ARL6IP6: variants seen among roughly 807,000 people sequenced by gnomAD.
ARL6IP6 encodes the protein ARF like GTPase 6 interacting protein 6, also known as ADP-ribosylation factor-like protein 6-interacting protein 6.
Under a neutral mutation model 21.5 loss-of-function variants are expected in ARL6IP6, and 22 were observed. The observed-to-expected ratio is 1.02, with a 90% CI of 0.73 to 1.46. The LOEUF (loss-of-function observed/expected upper bound fraction) is 1.46. Ranked by LOEUF, ARL6IP6 falls within the 40% of genes most tolerant of loss-of-function variation. ARL6IP6 has a pLI of 0.00. For missense variants in ARL6IP6, 388 were observed against 299.8 expected (o/e 1.29, Z -2.17); for synonymous variants, 164 against 125.3 (o/e 1.31, Z -2.06).
chr2:152,747,898 C>T (rs923784961), intron 3 of ARL6IP6, among the ~76,000 whole-genome samples: 2 of 151,952 alleles, frequency 1.3e-5, no homozygotes, highest in Non-Finnish European at 2.9e-5. Context: ...AACAATGTCT[C>T]CCTATATGCT....
intron 3 of ARL6IP6, among the ~76,000 whole-genome samples, chr2:152,754,699 G>C (rs752924792): frequency 7.2e-5 from 11 of 152,038 alleles, no homozygotes; most frequent in Admixed American, 4.6e-4. Context: ...CAGGACTTCT[G>C]ATTTCCCCAC....
chr2:152,742,570 T>TAAA (rs71396304), intron 3 of ARL6IP6, among the ~76,000 whole-genome samples: 22 of 115,978 alleles, frequency 1.9e-4, no homozygotes, highest in Non-Finnish European at 2.5e-4. Context: ...ATACGCTCTT[T>TAAA]AAAAAAAAAA....
chr2:152,729,334 C>CTG (rs10604718), intron 2 of ARL6IP6, among the ~76,000 whole-genome samples: 60 of 151,060 alleles, frequency 4.0e-4, no homozygotes, highest in Middle Eastern at 3.4e-3. Flanking sequence ...CAGACTTTGT[C>CTG]TGTGTGTGTG....
chr2:152,759,814 C>T lies in ARL6IP6; in HGVS notation c.655C>T (p.Leu219Phe). 6.2e-7 allele frequency: 1 copy of T among 1,613,366 alleles called. No individual in the cohort carries two copies. The highest frequency in any genetic ancestry group is 8.5e-7 in the Non-Finnish European group (1 of 1,179,426). Reference sequence around the variant, plus strand: ...GATTTTGAATGGCATCGTAGCTGCTCTTACTGTAGCATGGTGCCTCATGTA... The same window carrying T: ...GATTTTGAATGGCATCGTAGCTGCTTTTACTGTAGCATGGTGCCTCATGTA... ...MAILNGIVAA[L>F]TVAWCLM Residue 219 changes from leucine to phenylalanine, a missense_variant, in exon 4 of 4, where the codon CTT becomes TTT. Coordinates refer to ENST00000326446, the MANE Select transcript of ARL6IP6 (RefSeq NM_152522.7).
At chr2:152,759,214 A>C (rs1701721083) in intron 3 of ARL6IP6, among the ~76,000 whole-genome samples, 1 of 152,212 alleles carries the variant, frequency 6.6e-6, no homozygotes, top group Non-Finnish European at 1.5e-5. Flanking sequence ...TTAAGAACTC[A>C]TTGAAAACCA....
chr2:152,760,844 A>G lies in ARL6IP6; in HGVS notation c.*1004A>G, dbSNP rs1464074964. On this transcript the variant is annotated 3_prime_UTR_variant, in exon 4 of 4. Transcript: ENST00000326446. ...ACCAAAGTAGAAAAGGTATTTTGAT[A>G]CTAGATATTAAAAACTACATATAGT... The G allele has an allele frequency of 6.6e-6, 1 of 152,012 alleles. No individual in the cohort carries two copies. Among genetic ancestry groups the G allele is most frequent in the Non-Finnish European group, 1.5e-5 (1 of 67,964 alleles). 9.4% of individuals were successfully genotyped at this position (152,012 alleles called of 1,614,324 possible).
In ARL6IP6 at chr2:152,735,120, G is replaced by T. The variant is rs1309737569; in HGVS notation, c.581G>T (p.Arg194Met). 4.3e-6 allele frequency: 7 copies of T among 1,613,332 alleles called. No individual in the cohort carries two copies. The highest frequency in any genetic ancestry group is 4.2e-6 in the Non-Finnish European group (5 of 1,179,648). Reference sequence around the variant, plus strand: ...CCTCCTACTCCTCTTTCACCTGCCAGGTTCAAGTAAGTATTCCTGTTTCCT... The same window carrying T: ...CCTCCTACTCCTCTTTCACCTGCCATGTTCAAGTAAGTATTCCTGTTTCCT... ...MFPPTPLSPA[R>M]FKKLTGHSFH... is the part of the protein sequence containing the mutation. The change falls in exon 3 of 4, where the codon AGG (arginine) becomes ATG (methionine). Residue 194 changes from arginine to methionine, a missense_variant. Physicochemically the swap from Arg to Met is moderately conservative, Grantham distance 91. Coordinates refer to ENST00000326446, the MANE Select transcript of ARL6IP6 (RefSeq NM_152522.7).
At chr2:152,725,988 C>T (rs1333728454) in intron 2 of ARL6IP6, among the ~76,000 whole-genome samples, 2 of 152,066 alleles carry the variant, frequency 1.3e-5, no homozygotes, top group African/African-American at 2.4e-5. Flanking sequence ...TGACTGTTTT[C>T]CCTGTTATAC....
chr2:152,718,540 C>T (rs1699369883), upstream of ARL6IP6: 49 of 1,480,666 alleles, frequency 3.3e-5, no homozygotes, highest in Non-Finnish European at 4.4e-5. Context: ...TGGTAGCGGC[C>T]ACTGCCGCGG....
chr2:152,724,244 C>G (rs1172696256), intron 2 of ARL6IP6, among the ~76,000 whole-genome samples: 1 of 151,720 alleles, frequency 6.6e-6, no homozygotes, highest in East Asian at 1.9e-4. Context: ...GTGTAACTTG[C>G]AATAAGAAAA....
chr2:152,756,791 A>G (rs2105192838), intron 3 of ARL6IP6, among the ~76,000 whole-genome samples: 1 of 152,338 alleles, frequency 6.6e-6, no homozygotes, highest in South Asian at 2.1e-4. Context: ...GTTCATGGTG[A>G]TGTGGAACAA....
At position 152,718,760 on chromosome 2, in the gene ARL6IP6, G is replaced by A. The variant is rs1203161374; in HGVS notation, c.136G>A (p.Glu46Lys). Residue 46 changes from glutamate to lysine, a missense_variant, in exon 1 of 4, where the codon GAG becomes AAG. Physicochemically the swap from Glu to Lys is moderately conservative, Grantham distance 56. Coordinates refer to ENST00000326446, the MANE Select transcript of ARL6IP6 (RefSeq NM_152522.7). ...GGGTGAAGGCGAAGTCGACGAGGAG[G>A]AGGGATGCGACCAAGTGGCCCGCGA... is the stretch of plus-strand genomic sequence containing the variant. ...SWGEGEVDEE[E>K]GCDQVARDLR... 24 of 1,610,098 alleles carry A rather than the reference G, an allele frequency of 1.5e-5. No individual in the cohort carries two copies. The highest frequency in any genetic ancestry group is 2.0e-5 in the Non-Finnish European group (24 of 1,178,230).
intron 3 of ARL6IP6, among the ~76,000 whole-genome samples, chr2:152,735,697 C>T (rs1408465144): frequency 6.6e-6 from 1 of 152,060 alleles, no homozygotes; most frequent in Non-Finnish European, 1.5e-5. Context: ...TTATTCATGC[C>T]AGGAAAGTTC....
chr2:152,719,590 A>C (rs1023737200), intron 1 of ARL6IP6, among the ~76,000 whole-genome samples: 4 of 152,074 alleles, frequency 2.6e-5, no homozygotes, highest in Non-Finnish European at 5.9e-5. Flanking sequence ...TCCTCTAATA[A>C]TTTTGTTTTT....
chr2:152,749,662 TCAAA>T (rs1442502874), intron 3 of ARL6IP6, among the ~76,000 whole-genome samples: 6 of 152,130 alleles, frequency 3.9e-5, no homozygotes, highest in Non-Finnish European at 7.4e-5. Context: ...GTCAAAGAGG[TCAAA>T]CAATGTTGCC....
Position 152,761,056 on chromosome 2 carries a change from A to G in ARL6IP6, c.*1216A>G, listed in dbSNP as rs771299538. On this transcript the variant is annotated 3_prime_UTR_variant, in exon 4 of 4. Coordinates refer to ENST00000326446, the MANE Select transcript of ARL6IP6 (RefSeq NM_152522.7). ...TTCCCTGGCCATAGGAAAACTTACA[A>G]TAAGAAACCATTAAGTAGTCAAACT... The G allele has an allele frequency of 2.2e-4, 34 of 152,202 alleles. No homozygotes were observed. Among genetic ancestry groups the G allele is most frequent in the Admixed American group, 6.5e-4 (10 of 15,276 alleles). The allele number at this position is 152,202 out of a possible 1,614,324, so 9.4% of individuals were successfully genotyped here.
intron 2 of ARL6IP6, among the ~76,000 whole-genome samples, chr2:152,727,931 C>T (rs943698763): frequency 1.9e-4 from 29 of 152,246 alleles, no homozygotes; most frequent in Admixed American, 5.9e-4. Flanking sequence ...GCATTAGTTA[C>T]GTAAGTAATT....
chr2:152,730,142 A>G (rs1700241297), intron 2 of ARL6IP6, among the ~76,000 whole-genome samples: 1 of 152,208 alleles, frequency 6.6e-6, no homozygotes, highest in African/African-American at 2.4e-5. Flanking sequence ...ATGAACATAA[A>G]ATAATAAAAA....
At chr2:152,728,315 G>A (rs920395693) in intron 2 of ARL6IP6, among the ~76,000 whole-genome samples, 2 of 152,170 alleles carry the variant, frequency 1.3e-5, no homozygotes, top group East Asian at 1.9e-4. Flanking sequence ...TTTATGAAGT[G>A]TGTGCAATTG....
Sources: gnomAD v4.1 joint callset for allele counts (sites outside exome capture counted in the v4.1 genomes callset) on GRCh38, gnomAD v4.1.1 for gene constraint, MANE v1.5 for transcripts, NCBI Gene and HGNC (gene_info 2026-07-23, HGNC 2026-07-21) for gene names.